Variants in IGSF21 observed in about 807,000 individuals in gnomAD.
IGSF21 encodes immunoglobin superfamily member 21, also known as immunoglobulin superfamily member 21.
A neutral mutation model predicts 46.8 loss-of-function variants in IGSF21; 28 were observed. The ratio of observed to expected loss-of-function variants is 0.60; its 90% CI spans 0.44 to 0.82. The LOEUF (loss-of-function observed/expected upper bound fraction) is 0.82, where lower values mean the gene tolerates loss of function less well. IGSF21 is among the 40% of genes least tolerant of loss of function. IGSF21 has a pLI of 0.00. For missense variants in IGSF21, 624 were observed against 665.5 expected (o/e 0.94, Z 0.69); for synonymous variants, 284 against 273.6 (o/e 1.04, Z -0.38).
At chr1:18,157,930 C>G (rs2086582665) in intron 1 of IGSF21, among the ~76,000 whole-genome samples, 1 of 152,174 alleles carries the variant, frequency 6.6e-6, no homozygotes, top group Non-Finnish European at 1.5e-5. Context: ...AGACTGCGAG[C>G]TTCCTGAGGG....
intron 1 of IGSF21, among the ~76,000 whole-genome samples, chr1:18,224,332 C>T (rs2084540667): frequency 6.6e-6 from 1 of 152,114 alleles, no homozygotes; most frequent in African/African-American, 2.4e-5. Context: ...TTGCGCTTGA[C>T]ATGTCTTCTG....
chr1:18,164,846 T>C, intron 1 of IGSF21, among the ~76,000 whole-genome samples: 1 of 151,246 alleles, frequency 6.6e-6, no homozygotes. Context: ...TAACTCGTCA[T>C]TTACATTAGG....
At chr1:18,369,479 G>C (rs928908956) in intron 6 of IGSF21, among the ~76,000 whole-genome samples, 1 of 152,290 alleles carries the variant, frequency 6.6e-6, no homozygotes, top group Admixed American at 6.5e-5. Context: ...TCTGGCCCCA[G>C]ATCTCACATT....
intron 2 of IGSF21, among the ~76,000 whole-genome samples, chr1:18,231,059 A>G (rs1292151385): frequency 6.6e-6 from 1 of 152,142 alleles, no homozygotes; most frequent in African/African-American, 2.4e-5. Context: ...AAGGAAATGA[A>G]TAGATTACAC....
At chr1:18,368,016 T>A (rs113233256) in intron 6 of IGSF21, among the ~76,000 whole-genome samples, 5 of 152,070 alleles carry the variant, frequency 3.3e-5, no homozygotes, top group African/African-American at 1.2e-4. Flanking sequence ...ATTAACCCAG[T>A]GAGACAGGCA....
intron 2 of IGSF21, among the ~76,000 whole-genome samples, chr1:18,281,391 G>A (rs1465444737): frequency 6.6e-6 from 1 of 151,736 alleles, no homozygotes; most frequent in Non-Finnish European, 1.5e-5. Flanking sequence ...GAAACCCTGA[G>A]GTCTCTACTA....
At chr1:18,360,422 C>T (rs767974096) in intron 4 of IGSF21, among the ~76,000 whole-genome samples, 7 of 152,140 alleles carry the variant, frequency 4.6e-5, no homozygotes, top group Non-Finnish European at 8.8e-5. Flanking sequence ...TAGAGTTGCC[C>T]GTGTGTCTGT....
chr1:18,177,392 G>GAA (rs1553151722), intron 1 of IGSF21, among the ~76,000 whole-genome samples: 2,938 of 124,902 alleles, frequency 0.024, 126 homozygotes, highest in African/African-American at 0.068. Context: ...GGGTCAGTGA[G>GAA]GTGTGTGTGT....
At chr1:18,141,926 C>T (rs961097988) in intron 1 of IGSF21, among the ~76,000 whole-genome samples, 44 of 151,944 alleles carry the variant, frequency 2.9e-4, no homozygotes, top group African/African-American at 9.7e-4. Context: ...AAAAATCAGC[C>T]GGGCATGGTG....
chr1:18,235,505 A>G (rs1376888674), intron 2 of IGSF21, among the ~76,000 whole-genome samples: 2 of 152,252 alleles, frequency 1.3e-5, no homozygotes, highest in Non-Finnish European at 2.9e-5. Flanking sequence ...CGCAAAGGCA[A>G]CAGGAAACCT....
rs574837569 is a variant in IGSF21, at chr1:18,334,959, A to G, written c.373A>G (p.Thr125Ala). The G allele has an allele frequency of 1.6e-5, 26 of 1,614,154 alleles. No homozygotes were observed. In the African/African-American group the frequency reaches 3.5e-4, roughly 22 times the overall value. The change falls in exon 4 of 10, where the codon ACC (threonine) becomes GCC (alanine). Residue 125 changes from threonine (T) to alanine (A), a missense_variant. By Grantham distance (58) the Thr-to-Ala change is moderately conservative. Transcript: ENST00000251296. The surrounding 1 kb of genome is among the most constrained non-coding windows in gnomAD (Gnocchi z 4.3). ...ECHVGIYDRA[T>A]REKVVLASGN... ...CCATGTGGGCATCTACGACCGCGCC[A>G]CCAGGGAGAAGGTGGTCCTGGCATC... is the stretch of plus-strand genomic sequence containing the variant.
chr1:18,352,982 A>G (rs2085973728), intron 4 of IGSF21, among the ~76,000 whole-genome samples: 1 of 151,984 alleles, frequency 6.6e-6, no homozygotes, highest in Non-Finnish European at 1.5e-5. Flanking sequence ...CCACTGCACC[A>G]AGCACAGGAG....
chr1:18,141,322 G>T (rs931040458), intron 1 of IGSF21, among the ~76,000 whole-genome samples: 7 of 152,162 alleles, frequency 4.6e-5, no homozygotes, highest in African/African-American at 1.7e-4. Context: ...GAGGTGAATG[G>T]TGGGCCAAAG....
intron 7 of IGSF21, 140 bp downstream of exon 7, chr1:18,376,535 G>A: frequency 1.3e-6 from 1 of 752,972 alleles, no homozygotes; most frequent in East Asian, 2.5e-5. Flanking sequence ...TTCCCAATGT[G>A]TAATTGGGAG....
rs61760822 is a variant in IGSF21 at position 18,351,515 on chromosome 1, G to A, written c.425-10600G>A. On this transcript the variant is annotated intron_variant, in intron 4 of 9. Coordinates refer to ENST00000251296, the MANE Select transcript of IGSF21 (RefSeq NM_032880.5). ...TTTGCACGCTGGGGGAAGATGAAGA[G>A]GGGTCTCCCCAGAGCCTCCAAGTCC... is the stretch of plus-strand genomic sequence containing the variant. Among the ~76,000 whole-genome samples the A allele has an allele frequency of 2.0e-3, 311 of 152,296 alleles. 1 individual carries two copies. The highest frequency in any genetic ancestry group is 2.9e-3 in the Non-Finnish European group (196 of 68,026).
chr1:18,375,171 G>A (rs112191122), intron 6 of IGSF21, among the ~76,000 whole-genome samples: 1,868 of 152,292 alleles, frequency 0.012, 36 homozygotes, highest in African/African-American at 0.042. Context: ...CCTGTTTTGC[G>A]TATGTGTTTG....
intron 1 of IGSF21, among the ~76,000 whole-genome samples, chr1:18,150,425 T>C (rs1464588006): frequency 6.6e-6 from 1 of 152,002 alleles, no homozygotes; most frequent in Non-Finnish European, 1.5e-5. Context: ...GGTCTCAGGA[T>C]ACTTAAGGTA....
intron 1 of IGSF21, among the ~76,000 whole-genome samples, chr1:18,193,106 G>C (rs776879683): frequency 1.2e-4 from 18 of 152,078 alleles, no homozygotes; most frequent in Non-Finnish European, 2.4e-4. Context: ...GGGGGTGAGG[G>C]CTGTGTCCAG....
intron 2 of IGSF21, among the ~76,000 whole-genome samples, chr1:18,228,752 G>C (rs554665764): frequency 3.9e-5 from 6 of 152,170 alleles, no homozygotes; most frequent in Admixed American, 3.3e-4. Flanking sequence ...CCACCATCCT[G>C]GGGGAGAACT....
Sources: gnomAD v4.1 joint callset for allele counts (sites outside exome capture counted in the v4.1 genomes callset) on GRCh38, gnomAD v4.1.1 for gene constraint, Gnocchi (gnomAD v3.1) non-coding constraint, MANE v1.5 for transcripts, NCBI Gene and HGNC (gene_info 2026-07-23, HGNC 2026-07-21) for gene names.